Variants in PPFIBP1 observed in about 807,000 individuals in gnomAD.
PPFIBP1 encodes the protein PPFIB scaffold protein 1, also known as liprin-beta-1.
Under a neutral mutation model 137.8 loss-of-function variants are expected in PPFIBP1, and 112 were observed. That is an observed-to-expected ratio of 0.81 (90% CI 0.70 to 0.95). The LOEUF (loss-of-function observed/expected upper bound fraction) is 0.95. PPFIBP1 is among the 40% of genes least tolerant of loss of function. The pLI is 0.00. For synonymous variants in PPFIBP1, 378 were observed against 417.3 expected (o/e 0.91, Z 1.15); for missense variants, 1,083 against 1,196.6 (o/e 0.91, Z 1.40).
chr12:27,655,111 A>G (rs1361261892), intron 8 of PPFIBP1: 3 of 1,421,500 alleles, frequency 2.1e-6, no homozygotes, highest in Non-Finnish European at 2.9e-6. Context: ...TTCTATCTGT[A>G]GTTTTCTTTC....
At chr12:27,670,272 A>G (rs1052114523) in intron 13 of PPFIBP1, among the ~76,000 whole-genome samples, 4 of 152,232 alleles carry the variant, frequency 2.6e-5, no homozygotes, top group Non-Finnish European at 2.9e-5. Context: ...TGTTTGAGAA[A>G]ATGTATTATG....
chr12:27,656,554 G>A (rs1248846330), intron 8 of PPFIBP1, 62 bp from the exon 9 acceptor site: 2 of 988,708 alleles, frequency 2.0e-6, no homozygotes, highest in African/African-American at 1.6e-5. Context: ...GAGCTAATAT[G>A]CTCTCTGAAT....
chr12:27,632,612 T>C (rs2057341391), intron 2 of PPFIBP1, among the ~76,000 whole-genome samples: 1 of 152,214 alleles, frequency 6.6e-6, no homozygotes, highest in African/African-American at 2.4e-5. Context: ...TTATGTATTA[T>C]AGTGGAAGTT....
At chr12:27,673,331 G>T (rs752387364) in intron 15 of PPFIBP1, among the ~76,000 whole-genome samples, 3 of 152,284 alleles carry the variant, frequency 2.0e-5, no homozygotes, top group Middle Eastern at 3.4e-3. Context: ...TGCTTTGCCA[G>T]ACTCAGAAAT....
intron 14 of PPFIBP1, 127 bp from the exon 15 acceptor site, chr12:27,672,300 G>T: frequency 1.4e-6 from 1 of 713,922 alleles, no homozygotes; most frequent in Non-Finnish European, 2.4e-6. Context: ...AATAAAATAG[G>T]ACATTTAAAA....
chr12:27,529,766 G>A (rs1944202313), intron 1 of PPFIBP1, among the ~76,000 whole-genome samples: 1 of 152,208 alleles, frequency 6.6e-6, no homozygotes, highest in African/African-American at 2.4e-5. Context: ...CTTAAGAAGT[G>A]GCCAGATTCT....
intron 9 of PPFIBP1, among the ~76,000 whole-genome samples, chr12:27,657,527 C>T (rs2059280667): frequency 6.6e-6 from 1 of 151,164 alleles, no homozygotes; most frequent in Non-Finnish European, 1.5e-5. Context: ...AGCTTTGTTA[C>T]ATTTTTATCC....
At chr12:27,573,061 A>G (rs1053475266) in intron 1 of PPFIBP1, among the ~76,000 whole-genome samples, 1 of 152,224 alleles carries the variant, frequency 6.6e-6, no homozygotes, top group Non-Finnish European at 1.5e-5. Flanking sequence ...GCTGGGCTCC[A>G]TGTAACTAAC....
At chr12:27,676,971 C>A in intron 18 of PPFIBP1, 93 bp from the exon 19 acceptor site, 2 of 1,540,706 alleles carry the variant, frequency 1.3e-6, no homozygotes, top group Non-Finnish European at 1.8e-6. Flanking sequence ...GTGTATTTGG[C>A]GAGGAGGAGT....
intron 1 of PPFIBP1, among the ~76,000 whole-genome samples, chr12:27,560,441 G>A (rs1006759875): frequency 1.3e-5 from 2 of 152,214 alleles, no homozygotes; most frequent in Admixed American, 6.5e-5. Context: ...CTTTGAGAGA[G>A]ACTTGTTGAG....
At chr12:27,674,986 T>C (rs1337704843) in intron 17 of PPFIBP1, among the ~76,000 whole-genome samples, 1 of 151,464 alleles carries the variant, frequency 6.6e-6, no homozygotes, top group Non-Finnish European at 1.5e-5. Flanking sequence ...CTGTTTTTTT[T>C]TTTCGTTTGT....
chr12:27,647,248 G>A lies in PPFIBP1; in HGVS notation c.358-481G>A, dbSNP rs543142751. ...ACTCCTGACTTCAAGTGATCTGCCC[G>A]CCTCAGCCTCCCAAAGTGCTGGGAT... On this transcript the variant is annotated intron_variant, in intron 5 of 29. Coordinates refer to ENST00000228425, the MANE Select transcript of PPFIBP1 (RefSeq NM_003622.4). Among the ~76,000 whole-genome samples, 6 of 152,194 alleles carry A rather than the reference G, an allele frequency of 3.9e-5. 1 individual carries two copies. The highest frequency in any genetic ancestry group is 9.6e-5 in the African/African-American group (4 of 41,542).
At chr12:27,679,694 G>T (rs888632477) in intron 20 of PPFIBP1, 55 bp downstream of exon 20, 1 of 1,578,146 alleles carries the variant, frequency 6.3e-7, no homozygotes, top group Non-Finnish European at 8.7e-7. Flanking sequence ...TTGCTTAAAA[G>T]TGGCTGGACA....
intron 19 of PPFIBP1, 37 bp downstream of exon 19, chr12:27,677,133 G>A (rs2060567176): frequency 6.2e-7 from 1 of 1,612,698 alleles, no homozygotes; most frequent in South Asian, 1.1e-5. Flanking sequence ...CACCAGCACT[G>A]TGCTCCAAAC....
intron 1 of PPFIBP1, among the ~76,000 whole-genome samples, chr12:27,570,632 A>G (rs1443092514): frequency 6.6e-6 from 1 of 152,130 alleles, no homozygotes; most frequent in African/African-American, 2.4e-5. Context: ...CACAAGACCC[A>G]CTGACTGGGG....
chr12:27,666,391 C>G (rs993146678), intron 12 of PPFIBP1, among the ~76,000 whole-genome samples: 4 of 150,116 alleles, frequency 2.7e-5, no homozygotes, highest in Non-Finnish European at 5.9e-5. Context: ...GAATAACATT[C>G]TAGTGAAACC....
intron 2 of PPFIBP1, among the ~76,000 whole-genome samples, chr12:27,616,042 C>T (rs769777789): frequency 1.3e-5 from 2 of 152,174 alleles, no homozygotes; most frequent in African/African-American, 2.4e-5. Context: ...CGCTTGGGTA[C>T]TTACTAAGCA....
At chr12:27,682,341 C>A (rs1307820597) in intron 22 of PPFIBP1, 46 bp from the exon 23 acceptor site, 31 of 1,371,164 alleles carry the variant, frequency 2.3e-5, no homozygotes, top group Non-Finnish European at 3.1e-5. Context: ...CCAGTGGCAC[C>A]CAGCCTATAC....
chr12:27,679,848 T>G, intron 20 of PPFIBP1, 85 bp from the exon 21 acceptor site: 3 of 1,519,080 alleles, frequency 2.0e-6, no homozygotes, highest in Non-Finnish European at 2.7e-6. Flanking sequence ...TTAGTTCCAG[T>G]AGGTGCACTA....
Sources: allele counts gnomAD v4.1 joint callset (sites outside exome capture counted in the v4.1 genomes callset), GRCh38; gene constraint gnomAD v4.1.1; transcripts MANE v1.5; gene names NCBI Gene and HGNC (gene_info 2026-07-23, HGNC 2026-07-21).